TEAD1: variants seen among roughly 807,000 people sequenced by gnomAD.
The protein encoded by TEAD1 is TEA domain transcription factor 1, also known as transcriptional enhancer factor TEF-1.
In TEAD1, 9 loss-of-function variants were observed where a neutral mutation model predicts 54.9. The observed-to-expected ratio is 0.16, with a 90% confidence interval of 0.10 to 0.29. TEAD1 has a LOEUF of 0.29. TEAD1 is among the 10% of genes least tolerant of loss of function. TEAD1 has a pLI of 1.00. For missense variants in TEAD1, 387 were observed against 535.9 expected (o/e 0.72, Z 2.74); for synonymous variants, 200 against 187.8 (o/e 1.07, Z -0.53).
chr11:12,688,085 T>A (rs780037059), intron 2 of TEAD1, among the ~76,000 whole-genome samples: 3 of 152,134 alleles, frequency 2.0e-5, no homozygotes, highest in Non-Finnish European at 4.4e-5. Context: ...ATGCTGGGGA[T>A]AGGGTTTAGG....
intron 2 of TEAD1, among the ~76,000 whole-genome samples, chr11:12,741,681 T>G (rs1478848430): frequency 6.6e-6 from 1 of 152,182 alleles, no homozygotes; most frequent in Non-Finnish European, 1.5e-5. Flanking sequence ...ATTTACCTTA[T>G]TAGTTCTGTG....
chr11:12,933,843 C>T (rs1364655135), intron 12 of TEAD1, among the ~76,000 whole-genome samples: 2 of 152,216 alleles, frequency 1.3e-5, no homozygotes, highest in Non-Finnish European at 2.9e-5. Context: ...GAGATACCAT[C>T]TCACACCAGT....
intron 2 of TEAD1, among the ~76,000 whole-genome samples, chr11:12,687,572 C>G (rs941202813): frequency 6.6e-6 from 1 of 152,174 alleles, no homozygotes; most frequent in Non-Finnish European, 1.5e-5. Context: ...ATCCGGTTTT[C>G]TTGTGGCATT....
At chr11:12,908,887 T>TTTGTTTTTTGTTTTTTG (rs751212191) in intron 10 of TEAD1, among the ~76,000 whole-genome samples, 1 of 104,432 alleles carries the variant, frequency 9.6e-6, no homozygotes. Flanking sequence ...TTATCTGTTT[T>TTTGTTTTTTGTTTTTTG]TTTTTTTTTG....
chr11:12,824,406 C>T (rs1210904726), intron 3 of TEAD1, among the ~76,000 whole-genome samples: 3 of 152,174 alleles, frequency 2.0e-5, no homozygotes, highest in African/African-American at 4.8e-5. Flanking sequence ...TGGCAGTTTC[C>T]TCCAGCAGTC....
intron 3 of TEAD1, among the ~76,000 whole-genome samples, chr11:12,861,542 G>A (rs915105361): frequency 2.6e-5 from 4 of 152,164 alleles, no homozygotes; most frequent in Non-Finnish European, 4.4e-5. Context: ...TGAATAAGAA[G>A]GAAAGTGAAT....
chr11:12,841,883 A>C (rs933797170), intron 3 of TEAD1, among the ~76,000 whole-genome samples: 1 of 152,170 alleles, frequency 6.6e-6, no homozygotes, highest in Admixed American at 6.5e-5. Flanking sequence ...TAGCGTCTGT[A>C]CTTTTCCACA....
At chr11:12,888,781 TAGAC>T (rs1948140034) in intron 9 of TEAD1, among the ~76,000 whole-genome samples, 1 of 152,216 alleles carries the variant, frequency 6.6e-6, no homozygotes, top group African/African-American at 2.4e-5. Flanking sequence ...TGCCCAGTGT[TAGAC>T]AGCCAGCTGA....
chr11:12,679,473 T>C (rs568700414), intron 2 of TEAD1, among the ~76,000 whole-genome samples: 220 of 152,334 alleles, frequency 1.4e-3, no homozygotes, highest in African/African-American at 5.0e-3. Context: ...CAGGTTTAGA[T>C]GTATGTGTAA....
At chr11:12,746,823 G>A (rs953834802) in intron 2 of TEAD1, among the ~76,000 whole-genome samples, 4 of 152,246 alleles carry the variant, frequency 2.6e-5, no homozygotes, top group Non-Finnish European at 4.4e-5. Context: ...CGTTCTCCCA[G>A]GATGAGCTGC....
At chr11:12,890,026 A>G (rs1029187517) in intron 9 of TEAD1, among the ~76,000 whole-genome samples, 2 of 152,196 alleles carry the variant, frequency 1.3e-5, no homozygotes, top group East Asian at 3.9e-4. Flanking sequence ...CCAGCCAAGC[A>G]ACTTATTTAT....
At position 12,937,777 on chromosome 11, in the gene TEAD1, T is replaced by C. The variant is rs891743681; in HGVS notation, c.*555T>C. On this transcript the variant is annotated 3_prime_UTR_variant, in exon 13 of 13. Coordinates refer to ENST00000527636, the MANE Select transcript of TEAD1 (RefSeq NM_021961.6). ...TTATGAAAGAATGTAATTCACTAAATTATTTTTTAAATGAAACCTTTTTTT... is the reference window on the plus strand; with the variant it reads ...TTATGAAAGAATGTAATTCACTAAACTATTTTTTAAATGAAACCTTTTTTT... The C allele has an allele frequency of 6.5e-6, 1 of 152,696 alleles. No individual in the cohort carries two copies. The highest frequency in any genetic ancestry group is 2.4e-5 in the African/African-American group (1 of 41,464). The allele number at this position is 152,696 out of a possible 1,614,324, so 9.5% of individuals were successfully genotyped here. A position where few individuals can be genotyped will look rare whatever the true frequency, so the allele number is the denominator to read the frequency against.
intron 5 of TEAD1, among the ~76,000 whole-genome samples, chr11:12,866,215 C>T (rs1947612523): frequency 6.6e-6 from 1 of 152,112 alleles, no homozygotes; most frequent in Admixed American, 6.5e-5. Flanking sequence ...ATGTAACTAC[C>T]CCAGTTTTTG....
At chr11:12,750,099 G>A (rs7930259) in intron 2 of TEAD1, among the ~76,000 whole-genome samples, 3,230 of 152,292 alleles carry the variant, frequency 0.021, 123 homozygotes, top group African/African-American at 0.074. Flanking sequence ...TTTGTGAACC[G>A]GCAGTGTTGC....
intron 6 of TEAD1, 118 bp downstream of exon 6, chr11:12,879,960 G>A (rs1402872221): frequency 6.8e-7 from 1 of 1,469,646 alleles, no homozygotes; most frequent in African/African-American, 1.4e-5. Context: ...AGAGGGCAAA[G>A]GCTACCTTGT....
At chr11:12,838,225 T>G (rs1026517093) in intron 3 of TEAD1, among the ~76,000 whole-genome samples, 3 of 152,212 alleles carry the variant, frequency 2.0e-5, no homozygotes, top group African/African-American at 7.2e-5. Flanking sequence ...TGTAATACAC[T>G]CAGGAGAAAT....
At chr11:12,807,366 G>T (rs1339570579) in intron 3 of TEAD1, among the ~76,000 whole-genome samples, 2 of 152,182 alleles carry the variant, frequency 1.3e-5, no homozygotes, top group East Asian at 3.8e-4. Context: ...GTAACACAGG[G>T]TAGGGGGCAG....
In TEAD1 at chr11:12,805,787, A is replaced by G. The variant is rs11022506; in HGVS notation, c.202+41353A>G. Among the ~76,000 whole-genome samples, 294 of 152,346 alleles carry G rather than the reference A, an allele frequency of 1.9e-3. 7 individuals carry two copies. In the East Asian group the frequency reaches 0.045, roughly 23 times the overall value. On this transcript the variant is annotated intron_variant, in intron 3 of 12. Transcript: ENST00000527636. The stretch of plus-strand genomic sequence containing the variant: ...GAAACTAGCTGAAGCATTGATTGAT[A>G]CACCTTGTACCTTCCAAAGAATTGA...
chr11:12,725,530 C>T (rs757149377), intron 2 of TEAD1, among the ~76,000 whole-genome samples: 2 of 151,978 alleles, frequency 1.3e-5, no homozygotes. Flanking sequence ...CCTTAAATTC[C>T]CTGACTTGAT....
Sources: gnomAD v4.1 joint callset for allele counts (sites outside exome capture counted in the v4.1 genomes callset) on GRCh38, gnomAD v4.1.1 for gene constraint, MANE v1.5 for transcripts, NCBI Gene and HGNC (gene_info 2026-07-23, HGNC 2026-07-21) for gene names.